RNF180: variants seen among roughly 807,000 people sequenced by gnomAD.
RNF180 encodes E3 ubiquitin-protein ligase RNF180.
In RNF180, 38 loss-of-function variants were observed where a neutral mutation model predicts 59.2. The ratio of observed to expected loss-of-function variants is 0.64; its 90% CI spans 0.50 to 0.84. The LOEUF (loss-of-function observed/expected upper bound fraction) is 0.84, where lower values mean the gene tolerates loss of function less well. Ranked by LOEUF, RNF180 falls within the 40% of genes least tolerant of loss-of-function variation. The pLI is 0.00. For missense variants in RNF180, 705 were observed against 700.9 expected (o/e 1.01, Z -0.07); for synonymous variants, 262 against 240.3 (o/e 1.09, Z -0.84).
intron 7 of RNF180, among the ~76,000 whole-genome samples, chr5:64,356,267 AAAAT>A (rs1440866212): frequency 1.3e-5 from 2 of 151,896 alleles, no homozygotes; most frequent in African/African-American, 2.4e-5. Context: ...CTCAAAAAAA[AAAAT>A]AAATGTGGTG....
intron 5 of RNF180, among the ~76,000 whole-genome samples, chr5:64,314,238 C>G (rs1743925084): frequency 6.6e-6 from 1 of 152,050 alleles, no homozygotes; most frequent in African/African-American, 2.4e-5. Flanking sequence ...GATGCTCAAC[C>G]TGTACTAAAT....
At chr5:64,366,536 T>A (rs1441567644) in intron 7 of RNF180, among the ~76,000 whole-genome samples, 1 of 151,602 alleles carries the variant, frequency 6.6e-6, no homozygotes, top group Admixed American at 6.6e-5. Context: ...TCCTGTAATA[T>A]GTTTTCCAAG....
chr5:64,287,224 C>T (rs866835919), intron 5 of RNF180, among the ~76,000 whole-genome samples: 3 of 152,148 alleles, frequency 2.0e-5, no homozygotes, highest in Non-Finnish European at 2.9e-5. Flanking sequence ...TTCGGCCTCC[C>T]AAAGTGCTGG....
intron 7 of RNF180, among the ~76,000 whole-genome samples, chr5:64,340,523 C>T (rs976158329): frequency 6.6e-6 from 1 of 152,206 alleles, no homozygotes; most frequent in South Asian, 2.1e-4. Context: ...AGTACATGCT[C>T]ACACAGCATG....
chr5:64,368,747 A>G (rs1283932182), intron 7 of RNF180, among the ~76,000 whole-genome samples: 3 of 152,074 alleles, frequency 2.0e-5, no homozygotes, highest in Non-Finnish European at 4.4e-5. Context: ...ATGCAAATCA[A>G]AACCACAATG....
At chr5:64,358,843 T>A (rs1415116233) in intron 7 of RNF180, among the ~76,000 whole-genome samples, 1 of 143,252 alleles carries the variant, frequency 7.0e-6, no homozygotes, top group Non-Finnish European at 1.5e-5. Context: ...GTCCATGTGA[T>A]CTCATTGTTC....
At chr5:64,341,188 T>G (rs1406090667) in intron 7 of RNF180, among the ~76,000 whole-genome samples, 1 of 152,166 alleles carries the variant, frequency 6.6e-6, no homozygotes. Flanking sequence ...AAATAAATTC[T>G]CCTGGTGTGA....
In RNF180 at chr5:64,284,197, G is replaced by A. The variant is rs548747574; in HGVS notation, c.1228-40989G>A. Among the ~76,000 whole-genome samples, 5 of 151,384 alleles carry A rather than the reference G, an allele frequency of 3.3e-5. No homozygotes were observed. In the East Asian group the frequency reaches 9.8e-4, roughly 30 times the overall value. ...GAATATAAGCCCCCAATCTCTTCTA[G>A]CTTGTAGGGTTTCTACTGAAAGGTC... On this transcript the variant is annotated intron_variant, in intron 5 of 7. Coordinates refer to ENST00000389100, the MANE Select transcript of RNF180 (RefSeq NM_001113561.2).
chr5:64,272,088 A>G (rs1368587286), intron 5 of RNF180, among the ~76,000 whole-genome samples: 1 of 152,100 alleles, frequency 6.6e-6, no homozygotes, highest in Non-Finnish European at 1.5e-5. Flanking sequence ...TACATAATAG[A>G]TAATGTACTA....
intron 5 of RNF180, among the ~76,000 whole-genome samples, chr5:64,229,813 T>C (rs554656468): frequency 2.0e-4 from 31 of 152,280 alleles, no homozygotes; most frequent in African/African-American, 7.5e-4. Flanking sequence ...GGGGTGCTGG[T>C]AGAGAGGAGT....
intron 7 of RNF180, among the ~76,000 whole-genome samples, chr5:64,349,942 G>A (rs550207674): frequency 1.3e-5 from 2 of 151,872 alleles, no homozygotes; most frequent in South Asian, 2.1e-4. Flanking sequence ...TAATCCTTTG[G>A]GTATATACCC....
At chr5:64,306,897 C>T (rs757221348) in intron 5 of RNF180, among the ~76,000 whole-genome samples, 3 of 150,900 alleles carry the variant, frequency 2.0e-5, no homozygotes, top group African/African-American at 4.9e-5. Context: ...ATGGGGGCAG[C>T]GCACCAGCAT....
chr5:64,326,545 C>T (rs981642776), intron 6 of RNF180, among the ~76,000 whole-genome samples: 2 of 152,078 alleles, frequency 1.3e-5, no homozygotes, highest in African/African-American at 2.4e-5. Flanking sequence ...TGGGACTTCT[C>T]AGACTAGTTT....
chr5:64,350,105 A>G (rs1480398418), intron 7 of RNF180, among the ~76,000 whole-genome samples: 5 of 152,098 alleles, frequency 3.3e-5, no homozygotes, highest in African/African-American at 1.2e-4. Flanking sequence ...AATGATCACC[A>G]TTCTAACAGG....
In RNF180 at chr5:64,295,005, TA is replaced by T. The variant is rs1031418482; in HGVS notation, c.1228-30179del. On this transcript the variant is annotated intron_variant, in intron 5 of 7. Transcript: ENST00000389100. Reference sequence around the variant, plus strand: ...TCACAGATTAATCTCACTTGTCCTGTAACAAAAATAGAATCATATGCTATGT... The same window carrying T: ...TCACAGATTAATCTCACTTGTCCTGTACAAAAATAGAATCATATGCTATGT... Among the ~76,000 whole-genome samples, 15 of 152,344 alleles carry T rather than the reference TA, an allele frequency of 9.8e-5. 2 individuals carry two copies. Among genetic ancestry groups the T allele is most frequent in the African/African-American group, 3.6e-4 (15 of 41,576 alleles).
At chr5:64,173,772 A>G (rs1418200166) in intron 1 of RNF180, among the ~76,000 whole-genome samples, 1 of 150,368 alleles carries the variant, frequency 6.7e-6, no homozygotes, top group Non-Finnish European at 1.5e-5. Flanking sequence ...CTTGAGTGCA[A>G]TGGCATGATC....
intron 5 of RNF180, among the ~76,000 whole-genome samples, chr5:64,296,036 C>G (rs1373576495): frequency 6.6e-6 from 1 of 152,098 alleles, no homozygotes; most frequent in African/African-American, 2.4e-5. Flanking sequence ...TTTCTAGAAA[C>G]ATTAATATTG....
At chr5:64,240,054 T>C (rs895259498) in intron 5 of RNF180, among the ~76,000 whole-genome samples, 1 of 152,188 alleles carries the variant, frequency 6.6e-6, no homozygotes, top group African/African-American at 2.4e-5. Flanking sequence ...CTCTTCACTC[T>C]CTGAACTCAT....
intron 7 of RNF180, among the ~76,000 whole-genome samples, chr5:64,344,483 A>G (rs572960293): frequency 2.0e-4 from 31 of 152,234 alleles, no homozygotes; most frequent in South Asian, 4.1e-4. Flanking sequence ...TAAATCTACT[A>G]TCACACTTGG....
Sources: allele counts gnomAD v4.1 joint callset (sites outside exome capture counted in the v4.1 genomes callset), GRCh38; gene constraint gnomAD v4.1.1; transcripts MANE v1.5; gene names NCBI Gene and HGNC (gene_info 2026-07-23, HGNC 2026-07-21).